The following USP34 variants were observed in gnomAD, a reference collection of about 807,000 sequenced individuals.
USP34 encodes the protein ubiquitin carboxyl-terminal hydrolase 34.
Under a neutral mutation model 460.3 loss-of-function variants are expected in USP34, and 70 were observed. The observed-to-expected ratio is 0.15, with a 90% CI of 0.13 to 0.19. The LOEUF (loss-of-function observed/expected upper bound fraction) is 0.19. Among genes scored for constraint, USP34 ranks in the 10% least tolerant of loss-of-function variants. The pLI is 1.00. For missense variants in USP34, 3,985 were observed against 4,236.2 expected (o/e 0.94, Z 1.65); for synonymous variants, 1,647 against 1,405.3 (o/e 1.17, Z -3.85).
chr2:61,343,149 C>T (rs575058325), intron 16 of USP34, among the ~76,000 whole-genome samples: 125 of 152,306 alleles, frequency 8.2e-4, no homozygotes, highest in African/African-American at 2.9e-3. Flanking sequence ...TTTACTAGGC[C>T]AGCATATGTT....
chr2:61,235,545 C>T lies in USP34; in HGVS notation c.7032+300G>A, dbSNP rs560085159. On this transcript the variant is annotated intron_variant, in intron 57 of 79. Transcript: ENST00000398571. ...TTCACCACGTTGGCCAGGATGGGCTCGACCTCTTGATCTCGTAATCCACCC... is the reference window on the plus strand; with the variant it reads ...TTCACCACGTTGGCCAGGATGGGCTTGACCTCTTGATCTCGTAATCCACCC... 4.5e-4 allele frequency among the ~76,000 whole-genome samples: 69 copies of T among 151,832 alleles called. 1 individual carries two copies. In the Middle Eastern group the frequency reaches 0.034, roughly 75 times the overall value.
rs1686768209 is a variant in USP34 at position 61,195,372 on chromosome 2, A to C, written c.9509-2392T>G. 4.0e-5 allele frequency among the ~76,000 whole-genome samples: 6 copies of C among 151,380 alleles called. No homozygotes were observed. In the South Asian group the frequency reaches 1.2e-3, roughly 32 times the overall value. On this transcript the variant is annotated intron_variant, in intron 75 of 79. Coordinates refer to ENST00000398571, the MANE Select transcript of USP34 (RefSeq NM_014709.4). ...CTTTTACATTTTTAAAGGTTAAAAA[A>C]AAAAAAAAAAAATCAGCCAGGCTGG...
intron 21 of USP34, among the ~76,000 whole-genome samples, chr2:61,323,561 T>C (rs114385032): frequency 0.019 from 2,890 of 150,126 alleles, 104 homozygotes; most frequent in African/African-American, 0.066. Context: ...TGTGCACCTA[T>C]GGTCCCAGCT....
intron 57 of USP34, 64 bp downstream of exon 57, chr2:61,235,781 A>C: frequency 6.6e-7 from 1 of 1,526,442 alleles, no homozygotes; most frequent in Non-Finnish European, 8.9e-7. Context: ...AGCATCTTAG[A>C]TCAGAGGGGG....
chr2:61,353,682 C>T (rs530386844), intron 10 of USP34, among the ~76,000 whole-genome samples: 6 of 151,806 alleles, frequency 4.0e-5, no homozygotes, highest in African/African-American at 7.3e-5. Flanking sequence ...CCACCTGCCT[C>T]GGCCTCCCAA....
intron 1 of USP34, among the ~76,000 whole-genome samples, chr2:61,435,878 ATGAGCCGGGCATGGTGGAG>A: frequency 6.6e-6 from 1 of 152,076 alleles, no homozygotes; most frequent in East Asian, 1.9e-4. Flanking sequence ...AAATACAAAA[ATGAGCCGGGCATGGTGGAG>A]TGCGCCTGTA....
rs1688736835 is a variant in USP34 at position 61,256,859 on chromosome 2, G to T, written c.6126+14C>A. 1.3e-6 allele frequency: 2 copies of T among 1,545,846 alleles called. No homozygotes were observed. Among genetic ancestry groups the T allele is most frequent in the African/African-American group, 1.4e-5 (1 of 72,282 alleles). ...AAAGCATAAAGTAAAAAAATTATGT[G>T]CATTATTACTCACATAAATGTTCTT... On this transcript the variant is annotated intron_variant, in intron 47 of 79. Transcript: ENST00000398571.
intron 3 of USP34, among the ~76,000 whole-genome samples, chr2:61,396,780 G>A (rs865922002): frequency 6.6e-6 from 1 of 152,172 alleles, no homozygotes; most frequent in East Asian, 1.9e-4. Context: ...GAGCCACCTC[G>A]CCCAGTCCTA....
At chr2:61,347,702 A>G (rs566274023) in intron 15 of USP34, among the ~76,000 whole-genome samples, 168 bp downstream of exon 15, 1 of 152,308 alleles carries the variant, frequency 6.6e-6, no homozygotes, top group East Asian at 1.9e-4. Flanking sequence ...GTGTTTTTAA[A>G]TGTGCCCAAT....
intron 41 of USP34, among the ~76,000 whole-genome samples, chr2:61,271,337 C>A (rs1303549748): frequency 6.6e-6 from 1 of 152,170 alleles, no homozygotes; most frequent in Non-Finnish European, 1.5e-5. Flanking sequence ...ATCTGATCTT[C>A]TAAATCTCTG....
At chr2:61,446,795 CAAAA>C (rs202114862) in intron 1 of USP34, among the ~76,000 whole-genome samples, 28 of 139,506 alleles carry the variant, frequency 2.0e-4, no homozygotes, top group South Asian at 2.3e-4. Flanking sequence ...GACTCCACAT[CAAAA>C]AAAAAAAAAA....
At chr2:61,395,254 AAGT>A in intron 3 of USP34, 21 bp from the exon 4 acceptor site, 7 of 1,356,058 alleles carry the variant, frequency 5.2e-6, no homozygotes, top group Non-Finnish European at 6.2e-6. Context: ...AAAAAAAAGC[AAGT>A]AAAATTAGGT....
chr2:61,284,774 C>A, intron 35 of USP34, 101 bp downstream of exon 35: 2 of 882,512 alleles, frequency 2.3e-6, no homozygotes, highest in Non-Finnish European at 1.6e-6. Context: ...CATAATATCC[C>A]CCAAATTTTT....
intron 13 of USP34, among the ~76,000 whole-genome samples, 153 bp from the exon 14 acceptor site, chr2:61,349,039 G>T (rs1281144024): frequency 6.7e-6 from 1 of 148,712 alleles, no homozygotes; most frequent in African/African-American, 2.5e-5. Flanking sequence ...ATTTGCTCAT[G>T]ATTTCTAAAG....
intron 1 of USP34, among the ~76,000 whole-genome samples, chr2:61,435,884 C>G (rs375553403): frequency 4.6e-5 from 7 of 151,860 alleles, no homozygotes; most frequent in Non-Finnish European, 1.0e-4. Flanking sequence ...AAAAATGAGC[C>G]GGGCATGGTG....
At chr2:61,228,590 C>G (rs1484234096) in intron 61 of USP34, 55 bp downstream of exon 61, 2 of 1,532,168 alleles carry the variant, frequency 1.3e-6, no homozygotes, top group Non-Finnish European at 1.8e-6. Context: ...TCGCACGATG[C>G]AAACTATGAA....
At chr2:61,461,402 A>T (rs377188963) in intron 1 of USP34, among the ~76,000 whole-genome samples, 9 of 147,950 alleles carry the variant, frequency 6.1e-5, no homozygotes, top group South Asian at 4.3e-4. Flanking sequence ...TCAAAAAAAT[A>T]AAAAAAAAAA....
intron 1 of USP34, among the ~76,000 whole-genome samples, chr2:61,464,872 G>A (rs1021422175): frequency 1.3e-5 from 2 of 152,030 alleles, no homozygotes; most frequent in Admixed American, 1.3e-4. Context: ...TCCTCACCAA[G>A]ATCTAGAAAT....
chr2:61,326,141 G>A (rs762036573), intron 20 of USP34, among the ~76,000 whole-genome samples: 4 of 152,048 alleles, frequency 2.6e-5, no homozygotes, highest in Non-Finnish European at 5.9e-5. Flanking sequence ...GAGTGCTGGT[G>A]AGTGGGGGTG....
Sources: allele counts gnomAD v4.1 joint callset (sites outside exome capture counted in the v4.1 genomes callset), GRCh38; gene constraint gnomAD v4.1.1; transcripts MANE v1.5; gene names NCBI Gene and HGNC (gene_info 2026-07-23, HGNC 2026-07-21).